SPATA13: variants seen among roughly 807,000 people sequenced by gnomAD.
The protein encoded by SPATA13 is spermatogenesis-associated protein 13.
In SPATA13, 50 loss-of-function variants were observed where a neutral mutation model predicts 104.0. That is an observed-to-expected ratio of 0.48 (90% confidence interval 0.38 to 0.61). SPATA13 has a LOEUF of 0.61. SPATA13 is among the 20% of genes least tolerant of loss of function. The pLI, the probability that SPATA13 is intolerant of heterozygous loss-of-function variation, is 0.00. For synonymous variants in SPATA13, 606 were observed against 667.5 expected (o/e 0.91, Z 1.42); for missense variants, 1,524 against 1,690.6 (o/e 0.90, Z 1.73).
intron 2 of SPATA13, among the ~76,000 whole-genome samples, chr13:24,235,660 G>A (rs1401276249): frequency 6.6e-6 from 1 of 152,210 alleles, no homozygotes; most frequent in African/African-American, 2.4e-5. Flanking sequence ...AGGAAGCCAA[G>A]GTGGGAGGAT....
chr13:24,209,173 T>C (rs1330040115), intron 1 of SPATA13, among the ~76,000 whole-genome samples: 4 of 152,168 alleles, frequency 2.6e-5, no homozygotes, highest in African/African-American at 9.7e-5. Flanking sequence ...GACAAGCCGA[T>C]TTCAGGAATT....
rs1876716885 is a variant in SPATA13 at position 24,295,618 on chromosome 13, A to G, written c.3210+750A>G. ...CAGAGCAAGACTCCGTCTCAAAAAA[A>G]AAAGGAAAGACCACAAATACAATGC... On this transcript the variant is annotated intron_variant, in intron 10 of 12. Coordinates refer to ENST00000382108, the MANE Select transcript of SPATA13 (RefSeq NM_001166271.3). Among the ~76,000 whole-genome samples the G allele has an allele frequency of 5.9e-5, 9 of 152,220 alleles. 1 individual carries two copies. In the South Asian group the frequency reaches 1.7e-3, roughly 28 times the overall value.
intron 9 of SPATA13, among the ~76,000 whole-genome samples, chr13:24,291,581 G>C (rs1876351316): frequency 6.6e-6 from 1 of 152,096 alleles, no homozygotes; most frequent in Non-Finnish European, 1.5e-5. Context: ...CCCTCCTGCT[G>C]GGAGCACAGG....
chr13:24,236,286 A>C (rs765961726), intron 2 of SPATA13, among the ~76,000 whole-genome samples: 2 of 152,172 alleles, frequency 1.3e-5, no homozygotes, highest in Non-Finnish European at 2.9e-5. Context: ...CAACAACAAC[A>C]AAAAACACAG....
intron 4 of SPATA13, among the ~76,000 whole-genome samples, chr13:24,274,378 T>TCAGTGGCCC (rs1418064756): frequency 6.6e-5 from 10 of 152,218 alleles, no homozygotes; most frequent in African/African-American, 2.4e-4. Flanking sequence ...CCAACCTGAC[T>TCAGTGGCCC]CAGTGGCCCA....
upstream of SPATA13, among the ~76,000 whole-genome samples, chr13:24,158,991 T>TAA (rs1425130926): frequency 6.6e-6 from 1 of 152,238 alleles, no homozygotes; most frequent in African/African-American, 2.4e-5. Flanking sequence ...GTATTGCATG[T>TAA]AAATGTTAAT....
intron 11 of SPATA13, among the ~76,000 whole-genome samples, chr13:24,298,775 A>T (rs934301955): frequency 6.6e-6 from 1 of 152,102 alleles, no homozygotes; most frequent in Non-Finnish European, 1.5e-5. Flanking sequence ...TTGGCTACAG[A>T]ATTTGGTCTC....
chr13:24,020,580 A>G (rs902512090), intron 3 of SPATA13, among the ~76,000 whole-genome samples: 1 of 152,232 alleles, frequency 6.6e-6, no homozygotes, highest in African/African-American at 2.4e-5. Flanking sequence ...AACTATTCAG[A>G]TAATCCATCT....
chr13:24,253,295 G>A (rs1025470645), intron 4 of SPATA13: 2 of 152,282 alleles, frequency 1.3e-5, no homozygotes, highest in Admixed American at 6.5e-5. Flanking sequence ...TCCAAAGAGT[G>A]TTATTCTAAT....
At chr13:24,022,791 TAA>T (rs979757708) in intron 3 of SPATA13, among the ~76,000 whole-genome samples, 19 of 152,288 alleles carry the variant, frequency 1.2e-4, no homozygotes, top group African/African-American at 4.3e-4. Context: ...TGCAGGAACA[TAA>T]GTTTTCCTGG....
intron 1 of SPATA13, among the ~76,000 whole-genome samples, chr13:24,185,783 A>ATG (rs1221051542): frequency 1.3e-5 from 2 of 148,834 alleles, no homozygotes; most frequent in African/African-American, 4.9e-5. Flanking sequence ...AACTAAAAGA[A>ATG]TGTGTGTGTG....
At chr13:24,206,464 G>A (rs925438881) in intron 1 of SPATA13, among the ~76,000 whole-genome samples, 1 of 152,198 alleles carries the variant, frequency 6.6e-6, no homozygotes, top group South Asian at 2.1e-4. Flanking sequence ...ACTGTTGGTG[G>A]GAGTATAAAT....
At chr13:24,269,201 C>A (rs1011745990) in intron 4 of SPATA13, among the ~76,000 whole-genome samples, 4 of 152,134 alleles carry the variant, frequency 2.6e-5, no homozygotes, top group African/African-American at 9.7e-5. Flanking sequence ...CTGCAGTTAT[C>A]CCCACTCCGC....
chr13:24,135,224 A>AG (rs1314529461), intron 3 of SPATA13, among the ~76,000 whole-genome samples: 1 of 108,222 alleles, frequency 9.2e-6, no homozygotes, highest in African/African-American at 3.2e-5. Flanking sequence ...ATTCGAAAAA[A>AG]AAAATACTTT....
chr13:23,996,459 A>C (rs1301759164), intron 2 of SPATA13, among the ~76,000 whole-genome samples: 1 of 152,194 alleles, frequency 6.6e-6, no homozygotes, highest in Non-Finnish European at 1.5e-5. Flanking sequence ...GTTCAGAGTG[A>C]CTGAACTGGG....
intron 4 of SPATA13, chr13:24,270,751 C>A (rs1566182454): frequency 1.3e-6 from 2 of 1,579,780 alleles, no homozygotes; most frequent in Non-Finnish European, 1.7e-6. Context: ...GCGATTTCTG[C>A]AGTTCCCGTA....
intron 3 of SPATA13, among the ~76,000 whole-genome samples, chr13:24,099,699 G>A (rs1203777859): frequency 1.3e-5 from 2 of 152,246 alleles, no homozygotes; most frequent in African/African-American, 4.8e-5. Context: ...CACAGAGGAT[G>A]AGCGCCATGT....
At position 24,271,990 on chromosome 13, in the gene SPATA13, C is replaced by A. The variant is rs578260088; in HGVS notation, c.2165-12145C>A. ...AAAAAGGAAAAAAAAAGTTGCCTGGCGATTTCTATATTGAGAACACAGACC... is the reference window on the plus strand; with the variant it reads ...AAAAAGGAAAAAAAAAGTTGCCTGGAGATTTCTATATTGAGAACACAGACC... On this transcript the variant is annotated intron_variant, in intron 4 of 12. Coordinates refer to ENST00000382108, the MANE Select transcript of SPATA13 (RefSeq NM_001166271.3). Among the ~76,000 whole-genome samples the A allele has an allele frequency of 3.8e-4, 58 of 152,162 alleles. 1 individual carries two copies. The highest frequency in any genetic ancestry group is 3.6e-3 in the Admixed American group (55 of 15,278).
chr13:24,256,781 G>T (rs530913272), intron 4 of SPATA13, among the ~76,000 whole-genome samples: 1 of 152,326 alleles, frequency 6.6e-6, no homozygotes, highest in African/African-American at 2.4e-5. Flanking sequence ...TACTGGGTGT[G>T]TTATTTGGGA....
Sources: gnomAD v4.1 joint callset for allele counts (sites outside exome capture counted in the v4.1 genomes callset) on GRCh38, gnomAD v4.1.1 for gene constraint, MANE v1.5 for transcripts, NCBI Gene and HGNC (gene_info 2026-07-23, HGNC 2026-07-21) for gene names.